MYO1E: variants seen among roughly 807,000 people sequenced by gnomAD.
The protein encoded by MYO1E is unconventional myosin-Ie.
A neutral mutation model predicts 151.1 loss-of-function variants in MYO1E; 68 were observed. The ratio of observed to expected loss-of-function variants is 0.45; its 90% CI spans 0.37 to 0.55. The LOEUF (loss-of-function observed/expected upper bound fraction) is 0.55, where lower values mean the gene tolerates loss of function less well. MYO1E is among the 20% of genes least tolerant of loss of function. The probability of loss-of-function intolerance (pLI) is 0.00; values close to 1 mark genes in which losing one functional copy is unlikely to be tolerated. For missense variants in MYO1E, 1,363 were observed against 1,389.3 expected, an observed-to-expected ratio of 0.98 and a Z score of 0.30; for synonymous variants, 601 against 501.7, an observed-to-expected ratio of 1.20 and a Z score of -2.64.
chr15:59,166,697 C>A (rs2079564422), intron 22 of MYO1E, among the ~76,000 whole-genome samples: 1 of 152,046 alleles, frequency 6.6e-6, no homozygotes. Context: ...AGAAAATAAA[C>A]CTTGCCCAGA....
At chr15:59,296,533 C>A (rs1414601487) in intron 1 of MYO1E, among the ~76,000 whole-genome samples, 1 of 152,218 alleles carries the variant, frequency 6.6e-6, no homozygotes, top group Non-Finnish European at 1.5e-5. Flanking sequence ...ATTTGCCCAG[C>A]AGTTCCCTGG....
chr15:59,346,934 A>G (rs2080797318), intron 1 of MYO1E, among the ~76,000 whole-genome samples: 2 of 152,150 alleles, frequency 1.3e-5, no homozygotes, highest in African/African-American at 2.4e-5. Context: ...GAAAAAAAAA[A>G]AAAAGTGAAA....
At chr15:59,161,329 C>G in intron 23 of MYO1E, 99 bp from the exon 24 acceptor site, 1 of 1,353,330 alleles carries the variant, frequency 7.4e-7, no homozygotes. Flanking sequence ...AAAGCATAAA[C>G]ATGAGGCGAG....
chr15:59,207,013 G>C, intron 14 of MYO1E: 5 of 1,614,202 alleles, frequency 3.1e-6, no homozygotes, highest in Non-Finnish European at 4.2e-6. Context: ...CCTATGCCTG[G>C]GGATGGCCCT....
chr15:59,226,021 T>A (rs980235303), intron 7 of MYO1E, among the ~76,000 whole-genome samples: 4 of 152,216 alleles, frequency 2.6e-5, no homozygotes, highest in Non-Finnish European at 5.9e-5. Flanking sequence ...GGTTTCTGAC[T>A]TAAGGGCAGA....
intron 6 of MYO1E, among the ~76,000 whole-genome samples, chr15:59,230,470 A>C (rs1322428740): frequency 6.6e-6 from 1 of 152,026 alleles, no homozygotes; most frequent in Non-Finnish European, 1.5e-5. Context: ...AAGACAGGGG[A>C]AAAGGTAAAT....
chr15:59,234,146 G>T (rs2080046078), intron 5 of MYO1E, among the ~76,000 whole-genome samples: 2 of 152,096 alleles, frequency 1.3e-5, no homozygotes, highest in African/African-American at 4.8e-5. Context: ...ACCTTAGTTT[G>T]CTCTTTCTCT....
intron 1 of MYO1E, among the ~76,000 whole-genome samples, chr15:59,327,903 A>G (rs1279450784): frequency 6.6e-6 from 1 of 152,212 alleles, no homozygotes; most frequent in African/African-American, 2.4e-5. Context: ...ATGTCTTGGG[A>G]AGGGCTGAAA....
chr15:59,338,546 A>T (rs148281567), intron 1 of MYO1E, among the ~76,000 whole-genome samples: 144 of 152,294 alleles, frequency 9.5e-4, no homozygotes, highest in African/African-American at 3.3e-3. Context: ...TGCCTGCAAG[A>T]TGTCCTCAGT....
chr15:59,353,757 CAAAA>C (rs11366940), intron 1 of MYO1E, among the ~76,000 whole-genome samples: 4 of 129,858 alleles, frequency 3.1e-5, no homozygotes, highest in Non-Finnish European at 6.6e-5. Flanking sequence ...AACTCCGTCT[CAAAA>C]AAAAAAAAAA....
Position 59,297,999 on chromosome 15 carries a change from T to G in MYO1E, c.4-25550A>C, listed in dbSNP as rs1427690316. On this transcript the variant is annotated intron_variant, in intron 1 of 27. Coordinates refer to ENST00000288235, the MANE Select transcript of MYO1E (RefSeq NM_004998.4). ...TCTTTCACATTTTTGACTAGAATTCTAGGCAAATAATTTTGTGTCCTTCTG... is the reference window on the plus strand; with the variant it reads ...TCTTTCACATTTTTGACTAGAATTCGAGGCAAATAATTTTGTGTCCTTCTG... Among the ~76,000 whole-genome samples, 9 of 152,348 alleles carry G rather than the reference T, an allele frequency of 5.9e-5. No individual in the cohort carries two copies. In the South Asian group the frequency reaches 1.9e-3, roughly 32 times the overall value.
rs375353105 is a variant in MYO1E at position 59,195,597 on chromosome 15, G to T, written c.1699-30C>A. 17 of 1,583,614 alleles carry T rather than the reference G, an allele frequency of 1.1e-5. No homozygotes were observed. In the African/African-American group the frequency reaches 2.3e-4, roughly 21 times the overall value. The stretch of plus-strand genomic sequence containing the variant: ...AAAGGAAGAACAGTATCAGAATCAT[G>T]GAACTTTCTCTAAAGAAGACCAAAT... On this transcript the variant is annotated intron_variant, in intron 16 of 27. Coordinates refer to ENST00000288235, the MANE Select transcript of MYO1E (RefSeq NM_004998.4).
chr15:59,214,234 T>G lies in MYO1E; in HGVS notation c.1269A>C (p.Ala423=). The change falls in exon 12 of 28, where the codon GCA becomes GCC. Residue 423 remains alanine, a synonymous_variant. Coordinates refer to ENST00000288235, the MANE Select transcript of MYO1E (RefSeq NM_004998.4). ...QQIFIELTLK[A]EQEEYVQEGI... Reference sequence around the variant, plus strand: ...AGGAAGAGGGACTGCTTACCTGTTCTGCCTTTAATGTCAGTTCAATAAAAA... The same window carrying G: ...AGGAAGAGGGACTGCTTACCTGTTCGGCCTTTAATGTCAGTTCAATAAAAA... 6.2e-7 allele frequency: 1 copy of G among 1,611,230 alleles called. No individual in the cohort carries two copies. The highest frequency in any genetic ancestry group is 1.1e-5 in the South Asian group (1 of 90,872).
At chr15:59,137,483 T>C (rs1566961437) in intron 27 of MYO1E, 27 bp from the exon 28 acceptor site, 1 of 1,603,768 alleles carries the variant, frequency 6.2e-7, no homozygotes. Flanking sequence ...GTGGTGGAAG[T>C]GAAGATGAGA....
rs749128052 is a variant in MYO1E at position 59,172,041 on chromosome 15, C to T, written c.2336G>A (p.Gly779Asp). The change falls in exon 22 of 28, where the codon GGT becomes GAT. Residue 779 changes from glycine (G) to aspartate (D), a missense_variant and splice_region_variant. By Grantham distance (94) the Gly-to-Asp change is moderately conservative (BLOSUM62 -1). Coordinates refer to ENST00000288235, the MANE Select transcript of MYO1E (RefSeq NM_004998.4). Reference sequence around the variant, plus strand: ...GGTAAGGAGCAGGTCTCGCTTTACACCCTGTAAGGAGAGGAGCTTTAAGAA... The same window carrying T: ...GGTAAGGAGCAGGTCTCGCTTTACATCCTGTAAGGAGAGGAGCTTTAAGAA... ...TVTKYDRRFK[G>D]VKRDLLLTPK... The T allele has an allele frequency of 8.7e-6, 14 of 1,613,798 alleles. No individual in the cohort carries two copies. The highest frequency in any genetic ancestry group is 3.3e-5 in the Admixed American group (2 of 60,000).
intron 1 of MYO1E, among the ~76,000 whole-genome samples, chr15:59,273,232 G>A (rs1382124843): frequency 6.6e-6 from 1 of 152,164 alleles, no homozygotes; most frequent in African/African-American, 2.4e-5. Context: ...TCACACCAGG[G>A]GCGGCCTCTG....
intron 13 of MYO1E, 183 bp from the exon 14 acceptor site, chr15:59,209,031 T>TA: frequency 1.4e-6 from 1 of 721,230 alleles, no homozygotes. Context: ...CACTTAGATC[T>TA]AAAGAGGGAG....
At chr15:59,200,086 G>A (rs1409757808) in intron 16 of MYO1E, among the ~76,000 whole-genome samples, 2 of 152,150 alleles carry the variant, frequency 1.3e-5, no homozygotes, top group Admixed American at 1.3e-4. Context: ...CACAATGGTG[G>A]CACTTTGAGC....
At chr15:59,291,711 A>AAAAG (rs1555417406) in intron 1 of MYO1E, among the ~76,000 whole-genome samples, 25 of 66,976 alleles carry the variant, frequency 3.7e-4, no homozygotes, top group African/African-American at 1.6e-3. Flanking sequence ...AAAAAAAAAA[A>AAAAG]AGAGAGAGAG....
Sources: gnomAD v4.1 joint callset for allele counts (sites outside exome capture counted in the v4.1 genomes callset) on GRCh38, gnomAD v4.1.1 for gene constraint, MANE v1.5 for transcripts, NCBI Gene and HGNC (gene_info 2026-07-23, HGNC 2026-07-21) for gene names.